The following SGCZ variants were observed in gnomAD, a reference collection of about 807,000 sequenced individuals.
SGCZ encodes the protein zeta-sarcoglycan.
Under a neutral mutation model 41.3 loss-of-function variants are expected in SGCZ, and 40 were observed. The observed-to-expected ratio is 0.97, with a 90% confidence interval of 0.75 to 1.26. SGCZ has a LOEUF of 1.26. Among genes scored for constraint, SGCZ ranks in the 50% most tolerant of loss-of-function variants. The probability of loss-of-function intolerance (pLI) is 0.00; values close to 1 mark genes in which losing one functional copy is unlikely to be tolerated. For synonymous variants in SGCZ, 206 were observed against 137.5 expected (o/e 1.50, Z -3.49); for missense variants, 552 against 369.8 (o/e 1.49, Z -4.04).
chr8:14,391,313 G>C (rs1009573444), intron 2 of SGCZ, among the ~76,000 whole-genome samples: 19 of 151,764 alleles, frequency 1.3e-4, no homozygotes, highest in Non-Finnish European at 1.5e-4. Context: ...TCTTATAAAA[G>C]TTGTATACAA....
At chr8:14,862,177 G>C (rs147143786) in intron 1 of SGCZ, among the ~76,000 whole-genome samples, 2 of 152,034 alleles carry the variant, frequency 1.3e-5, no homozygotes, top group Non-Finnish European at 2.9e-5. Flanking sequence ...TGTTGATATA[G>C]GCCACCAGAA....
chr8:14,404,093 A>G (rs926756353), intron 2 of SGCZ, among the ~76,000 whole-genome samples: 3 of 152,148 alleles, frequency 2.0e-5, no homozygotes, highest in Non-Finnish European at 4.4e-5. Context: ...ACAATATGAG[A>G]TTAGAGAAGG....
chr8:14,160,391 G>T (rs561513383), intron 5 of SGCZ, among the ~76,000 whole-genome samples: 3 of 152,132 alleles, frequency 2.0e-5, no homozygotes, highest in Admixed American at 6.5e-5. Context: ...CGTGTGTAAA[G>T]GTTTATTCCT....
chr8:14,231,023 G>C (rs958819371), intron 4 of SGCZ, among the ~76,000 whole-genome samples: 2 of 152,034 alleles, frequency 1.3e-5, no homozygotes, highest in African/African-American at 2.4e-5. Flanking sequence ...CTCAAATTAT[G>C]TTGGAGTATA....
At chr8:14,358,757 T>A (rs1803391741) in intron 2 of SGCZ, among the ~76,000 whole-genome samples, 3 of 151,944 alleles carry the variant, frequency 2.0e-5, no homozygotes, top group Admixed American at 1.3e-4. Context: ...ATTACAGGCA[T>A]GTGCCACCAT....
Position 14,313,002 on chromosome 8 carries a change from T to A in SGCZ, c.336+11101A>T. On this transcript the variant is annotated intron_variant, in intron 3 of 7. Coordinates refer to ENST00000382080, the MANE Select transcript of SGCZ (RefSeq NM_139167.4). ...ACTATTGTAGGAATTTCCCAGTGGT[T>A]AAGGACATAAGGATCAAAGCTTGAC... Among the ~76,000 whole-genome samples, 2 of 152,162 alleles carry A rather than the reference T, an allele frequency of 1.3e-5. 1 individual carries two copies. The highest frequency in any genetic ancestry group is 1.3e-4 in the Admixed American group (2 of 15,266).
At chr8:14,257,909 T>C (rs901860377) in intron 3 of SGCZ, among the ~76,000 whole-genome samples, 4 of 152,178 alleles carry the variant, frequency 2.6e-5, no homozygotes, top group African/African-American at 9.6e-5. Flanking sequence ...TGGAAAGATA[T>C]AGATATAGAT....
chr8:14,863,511 G>T (rs140708458), intron 1 of SGCZ, among the ~76,000 whole-genome samples: 4 of 151,920 alleles, frequency 2.6e-5, no homozygotes, highest in African/African-American at 7.2e-5. Flanking sequence ...GGTTTCTAGC[G>T]CTTTAATTTC....
At chr8:14,129,815 A>C (rs1802983800) in intron 5 of SGCZ, among the ~76,000 whole-genome samples, 1 of 152,192 alleles carries the variant, frequency 6.6e-6, no homozygotes. Flanking sequence ...AAAATGACAA[A>C]ACATTGCCCA....
chr8:14,128,101 G>A (rs927506156), intron 5 of SGCZ, among the ~76,000 whole-genome samples: 1 of 152,176 alleles, frequency 6.6e-6, no homozygotes, highest in Admixed American at 6.5e-5. Context: ...ATTCTGGCGA[G>A]GTTGTGGAGA....
intron 2 of SGCZ, among the ~76,000 whole-genome samples, chr8:14,391,659 T>C (rs1804780695): frequency 6.6e-6 from 1 of 152,090 alleles, no homozygotes; most frequent in South Asian, 2.1e-4. Context: ...AAAACATTAT[T>C]ATGTGATCGC....
intron 5 of SGCZ, among the ~76,000 whole-genome samples, chr8:14,113,895 T>C (rs943310304): frequency 6.6e-6 from 1 of 152,040 alleles, no homozygotes; most frequent in Admixed American, 6.6e-5. Context: ...GTTCTCAGCA[T>C]ATGCAACCTC....
At chr8:14,829,874 C>G (rs886261288) in intron 1 of SGCZ, among the ~76,000 whole-genome samples, 1 of 152,076 alleles carries the variant, frequency 6.6e-6, no homozygotes, top group Non-Finnish European at 1.5e-5. Flanking sequence ...TGCAGTGGCG[C>G]GATCTCGGCT....
In SGCZ at chr8:14,315,145, A is replaced by C. The variant is rs80343484; in HGVS notation, c.336+8958T>G. 3.6e-3 allele frequency among the ~76,000 whole-genome samples: 555 copies of C among 152,248 alleles called. 4 individuals carry two copies. Among genetic ancestry groups the C allele is most frequent in the African/African-American group, 0.013 (525 of 41,562 alleles). On this transcript the variant is annotated intron_variant, in intron 3 of 7. Coordinates refer to ENST00000382080, the MANE Select transcript of SGCZ (RefSeq NM_139167.4). Reference sequence around the variant, plus strand: ...AATTCTGGCTCACCTTGGAGTCCTGAAACTTTGGATGCATCACTTATATTT... The same window carrying C: ...AATTCTGGCTCACCTTGGAGTCCTGCAACTTTGGATGCATCACTTATATTT...
At chr8:15,183,775 G>A (rs1800249076) in intron 1 of SGCZ, among the ~76,000 whole-genome samples, 1 of 152,108 alleles carries the variant, frequency 6.6e-6, no homozygotes, top group Non-Finnish European at 1.5e-5. Context: ...ATAAAAGATA[G>A]CTAGCATTAC....
At chr8:14,373,810 G>A (rs1213689209) in intron 2 of SGCZ, among the ~76,000 whole-genome samples, 4 of 152,018 alleles carry the variant, frequency 2.6e-5, no homozygotes, top group Admixed American at 2.6e-4. Context: ...AATGATAGCA[G>A]AGAACTGGAA....
chr8:15,098,192 G>C (rs1806459311), intron 1 of SGCZ, among the ~76,000 whole-genome samples: 1 of 151,956 alleles, frequency 6.6e-6, no homozygotes, highest in South Asian at 2.1e-4. Context: ...AAGGAAAAAG[G>C]AGGAAGAAAA....
At chr8:14,180,221 T>A (rs1804676675) in intron 4 of SGCZ, among the ~76,000 whole-genome samples, 1 of 152,146 alleles carries the variant, frequency 6.6e-6, no homozygotes, top group Admixed American at 6.5e-5. Flanking sequence ...GAGGGCGAGT[T>A]GAAGGCCTCC....
At chr8:15,170,661 T>A (rs192933723) in intron 1 of SGCZ, among the ~76,000 whole-genome samples, 1 of 152,200 alleles carries the variant, frequency 6.6e-6, no homozygotes, top group Non-Finnish European at 1.5e-5. Context: ...CTATGCACGC[T>A]CTTTCAAAAG....
Sources: allele counts gnomAD v4.1 joint callset (sites outside exome capture counted in the v4.1 genomes callset), GRCh38; gene constraint gnomAD v4.1.1; transcripts MANE v1.5; gene names NCBI Gene and HGNC (gene_info 2026-07-23, HGNC 2026-07-21).